Variants in TENM2 observed in about 807,000 individuals in gnomAD.
TENM2 encodes teneurin transmembrane protein 2.
A neutral mutation model predicts 245.2 loss-of-function variants in TENM2; 52 were observed. That is an observed-to-expected ratio of 0.21 (90% CI 0.17 to 0.27). The LOEUF is 0.27. Ranked by LOEUF, TENM2 falls within the 10% of genes least tolerant of loss-of-function variation. The probability of loss-of-function intolerance (pLI) is 1.00; values close to 1 mark genes in which losing one functional copy is unlikely to be tolerated. For missense variants in TENM2, 3,046 were observed against 3,666.8 expected (o/e 0.83, Z 4.37); for synonymous variants, 1,363 against 1,438.9 (o/e 0.95, Z 1.19).
chr5:168,190,664 A>G, intron 14 of TENM2, 117 bp downstream of exon 16: 1 of 828,004 alleles, frequency 1.2e-6, no homozygotes, highest in Non-Finnish European at 1.9e-6. Context: ...GCCCCCCTAG[A>G]GGCAGCTCCC....
At chr5:168,191,063 C>G (rs930885987) in intron 14 of TENM2, among the ~76,000 whole-genome samples, 2 of 151,992 alleles carry the variant, frequency 1.3e-5, no homozygotes, top group Non-Finnish European at 2.9e-5. Flanking sequence ...TATCTCTAAT[C>G]CACACAACAA....
chr5:167,862,893 G>A (rs930784044), intron 2 of TENM2, among the ~76,000 whole-genome samples: 6 of 152,238 alleles, frequency 3.9e-5, no homozygotes, highest in Non-Finnish European at 7.3e-5. Context: ...AGCTGAAGAA[G>A]AGAGCTCGCT....
chr5:167,048,180 G>T, the TENM2 span, among the ~76,000 whole-genome samples: 2 of 151,960 alleles, frequency 1.3e-5, no homozygotes, highest in Non-Finnish European at 2.9e-5. Flanking sequence ...AATCTGTTTG[G>T]GTTAGCATTT....
At chr5:167,780,934 CTTAT>C (rs1317046929) in intron 2 of TENM2, among the ~76,000 whole-genome samples, 3 of 152,188 alleles carry the variant, frequency 2.0e-5, no homozygotes, top group Non-Finnish European at 2.9e-5. Context: ...TTTGTTTCCA[CTTAT>C]TTATTTGTTT....
intron 2 of TENM2, among the ~76,000 whole-genome samples, chr5:167,381,550 G>A (rs548500943): frequency 2.4e-4 from 37 of 152,182 alleles, no homozygotes; most frequent in Admixed American, 1.3e-3. Flanking sequence ...ATTTTTGGCC[G>A]TTCTCAAAAC....
intron 1 of TENM2, among the ~76,000 whole-genome samples, chr5:167,285,933 C>CA (rs1329119254): frequency 1.3e-5 from 2 of 152,214 alleles, no homozygotes; most frequent in African/African-American, 4.8e-5. Flanking sequence ...TTTCTTGTTC[C>CA]ATGTCCTTGG....
chr5:167,466,123 AGAG>A (rs1766636185), intron 2 of TENM2, among the ~76,000 whole-genome samples: 1 of 152,192 alleles, frequency 6.6e-6, no homozygotes, highest in South Asian at 2.1e-4. Context: ...ATCTTCTTGA[AGAG>A]GAGATAAAGC....
chr5:167,451,690 C>T (rs1244451367), intron 2 of TENM2, among the ~76,000 whole-genome samples: 1 of 151,980 alleles, frequency 6.6e-6, no homozygotes, highest in African/African-American at 2.4e-5. Flanking sequence ...GCTCTGTCAC[C>T]CAGGCTGGAG....
At chr5:167,712,026 G>A (rs1332824816) in intron 2 of TENM2, among the ~76,000 whole-genome samples, 1 of 152,118 alleles carries the variant, frequency 6.6e-6, no homozygotes, top group Non-Finnish European at 1.5e-5. Flanking sequence ...TACTGTCTTT[G>A]TTAGCAGAGC....
chr5:167,351,498 C>T (rs6890961), intron 1 of TENM2, among the ~76,000 whole-genome samples: 94,763 of 151,606 alleles, frequency 0.63, 29,560 homozygotes, highest in Admixed American at 0.68. Flanking sequence ...TGAGCAATAG[C>T]TCCTGACAGG....
chr5:168,025,908 T>A (rs1786579203), intron 5 of TENM2, among the ~76,000 whole-genome samples: 1 of 152,206 alleles, frequency 6.6e-6, no homozygotes, highest in South Asian at 2.1e-4. Flanking sequence ...TCTCTCTGTG[T>A]GGGAGAGGGC....
intron 12 of TENM2, chr5:168,149,344 A>C: frequency 2.2e-6 from 1 of 456,710 alleles, no homozygotes. Context: ...GGAGGGCAGA[A>C]TCCTCACAAA....
chr5:167,747,240 T>TC (rs1006820138), intron 2 of TENM2, among the ~76,000 whole-genome samples: 6 of 151,254 alleles, frequency 4.0e-5, no homozygotes, highest in Admixed American at 1.3e-4. Flanking sequence ...TGATATATCC[T>TC]GGTGACTTAG....
At chr5:167,188,254 A>G in the TENM2 span, among the ~76,000 whole-genome samples, 1 of 152,188 alleles carries the variant, frequency 6.6e-6, no homozygotes, top group South Asian at 2.1e-4. Context: ...GGAGATTGAA[A>G]TAGCCTCTCA....
chr5:167,061,068 G>A, the TENM2 span, among the ~76,000 whole-genome samples: 1 of 147,666 alleles, frequency 6.8e-6, no homozygotes. Context: ...TCTAGGGGTG[G>A]TGCGTGATTA....
chr5:167,255,162 T>C, the TENM2 span, among the ~76,000 whole-genome samples: 2 of 151,730 alleles, frequency 1.3e-5, no homozygotes, highest in African/African-American at 4.8e-5. Flanking sequence ...AAAAACTTAG[T>C]CCCTAATTCT....
intron 1 of TENM2, 71 bp downstream of exon 3, chr5:167,285,134 C>CT: frequency 8.3e-7 from 1 of 1,207,392 alleles, no homozygotes; most frequent in Non-Finnish European, 1.2e-6. Flanking sequence ...TTGATGGCTG[C>CT]TTTTGGAGAT....
Position 168,058,367 on chromosome 5 carries a change from C to T in TENM2, c.1310-3693C>T, listed in dbSNP as rs149361488. 2.0e-5 allele frequency among the ~76,000 whole-genome samples: 3 copies of T among 152,318 alleles called. No individual in the cohort carries two copies. In the East Asian group the frequency reaches 5.8e-4, roughly 29 times the overall value. On this transcript the variant is annotated intron_variant, in intron 6 of 28. Coordinates refer to ENST00000518659, the Ensembl canonical transcript of TENM2. ...AGAGAACCTAGAGATGAATCTGCATCTCTGCCTGACCTCAGGGAGCACAGT... is the reference window on the plus strand; with the variant it reads ...AGAGAACCTAGAGATGAATCTGCATTTCTGCCTGACCTCAGGGAGCACAGT...
chr5:168,097,977 C>A (rs1562154341), intron 8 of TENM2, 49 bp from the exon 11 acceptor site: 2 of 1,403,714 alleles, frequency 1.4e-6, no homozygotes, highest in African/African-American at 1.4e-5. Context: ...TAAATTACTG[C>A]ACCAGTAGAC....
Sources: gnomAD v4.1 joint callset for allele counts (sites outside exome capture counted in the v4.1 genomes callset) on GRCh38, gnomAD v4.1.1 for gene constraint, MANE v1.5 for transcripts, NCBI Gene and HGNC (gene_info 2026-07-23, HGNC 2026-07-21) for gene names.